Variants in MORC1 observed in about 807,000 individuals in gnomAD.
MORC1 encodes the protein MORC family CW-type zinc finger 1.
MORC1 carries 59 observed loss-of-function variants against 134.9 expected under a neutral mutation model. That is an observed-to-expected ratio of 0.44 (90% CI 0.35 to 0.54). MORC1 has a LOEUF of 0.54. MORC1 is among the 20% of genes least tolerant of loss of function. The pLI, the probability that MORC1 is intolerant of heterozygous loss-of-function variation, is 0.00. For missense variants in MORC1, 947 were observed against 1,134.5 expected, an observed-to-expected ratio of 0.83 and a Z score of 2.37; for synonymous variants, 395 against 391.7, an observed-to-expected ratio of 1.01 and a Z score of -0.10.
At chr3:108,965,031 C>G (rs1947178815) in intron 26 of MORC1, among the ~76,000 whole-genome samples, 2 of 152,136 alleles carry the variant, frequency 1.3e-5, no homozygotes. Flanking sequence ...AGGCTGCAGG[C>G]AAACCCAGGG....
intron 8 of MORC1, among the ~76,000 whole-genome samples, chr3:109,070,201 T>C (rs774111163): frequency 6.6e-6 from 1 of 152,190 alleles, no homozygotes; most frequent in Non-Finnish European, 1.5e-5. Flanking sequence ...GTAAAAATGT[T>C]TCATTTGCTT....
At position 108,994,839 on chromosome 3, in the gene MORC1, T is replaced by C. The variant is rs1218513924; in HGVS notation, c.2187+5718A>G. On this transcript the variant is annotated intron_variant, in intron 21 of 27. Transcript: ENST00000232603. Reference sequence around the variant, plus strand: ...GATCATTTGCTTTCCTGGCCATCTATTGTGGTCTGCCAACCTATTCTTCCC... The same window carrying C: ...GATCATTTGCTTTCCTGGCCATCTACTGTGGTCTGCCAACCTATTCTTCCC... Among the ~76,000 whole-genome samples, 5 of 152,268 alleles carry C rather than the reference T, an allele frequency of 3.3e-5. 1 individual carries two copies. The highest frequency in any genetic ancestry group is 6.8e-3 in the Middle Eastern group (2 of 294).
intron 14 of MORC1, among the ~76,000 whole-genome samples, chr3:109,048,800 A>G (rs1949754151): frequency 1.3e-5 from 2 of 152,070 alleles, no homozygotes. Flanking sequence ...TTATGAGGAC[A>G]CTAGTCAGAC....
chr3:108,982,953 CA>C (rs34705106), intron 23 of MORC1, among the ~76,000 whole-genome samples: 62,295 of 140,078 alleles, frequency 0.44, 13,693 homozygotes, highest in Middle Eastern at 0.59. Context: ...TTTTTAAATG[CA>C]AAAAAAAAAA....
At chr3:109,037,849 A>G (rs1308699016) in intron 14 of MORC1, among the ~76,000 whole-genome samples, 2 of 152,120 alleles carry the variant, frequency 1.3e-5, no homozygotes, top group Non-Finnish European at 2.9e-5. Context: ...TCATTGATGG[A>G]CATTTGGGTT....
rs749968839 is a variant in MORC1, at chr3:109,000,579, G to A, written c.2165C>T (p.Thr722Met). 4 of 1,608,882 alleles carry A rather than the reference G, an allele frequency of 2.5e-6. No homozygotes were observed. The highest frequency in any genetic ancestry group is 3.3e-5 in the Admixed American group (2 of 59,718). ...CACCAGGATTATATCTGAATCACTC[G>A]TGTTCTCATCTTCAGTCAATACCTT... Reference protein sequence around the residue: ...ECKVLTEDENTSDSDIILVSD... With the variant: ...ECKVLTEDENMSDSDIILVSD... Residue 722 changes from threonine (T) to methionine (M), a missense_variant, in exon 21 of 28, where the codon ACG becomes ATG. Transcript: ENST00000232603.
At chr3:109,009,808 A>G (rs988482019) in intron 17 of MORC1, among the ~76,000 whole-genome samples, 6 of 152,244 alleles carry the variant, frequency 3.9e-5, no homozygotes, top group South Asian at 4.1e-4. Flanking sequence ...ATTGTGGAGC[A>G]TACCATTTCA....
At chr3:109,064,644 T>C (rs1349647619) in intron 9 of MORC1, among the ~76,000 whole-genome samples, 2 of 152,182 alleles carry the variant, frequency 1.3e-5, no homozygotes, top group African/African-American at 2.4e-5. Flanking sequence ...CAGAAAAAAT[T>C]AGCCCCCAGT....
intron 21 of MORC1, among the ~76,000 whole-genome samples, chr3:108,997,474 C>CT (rs1168565825): frequency 6.6e-6 from 1 of 152,052 alleles, no homozygotes; most frequent in African/African-American, 2.4e-5. Context: ...TGCCACTGCA[C>CT]TCCAGCCTGG....
At chr3:108,978,044 A>T (rs1947611459) in intron 24 of MORC1, among the ~76,000 whole-genome samples, 1 of 151,980 alleles carries the variant, frequency 6.6e-6, no homozygotes, top group African/African-American at 2.4e-5. Context: ...TGACTGGCTA[A>T]TTTTTTGTAT....
At chr3:109,038,949 C>T (rs1374651960) in intron 14 of MORC1, among the ~76,000 whole-genome samples, 1 of 152,196 alleles carries the variant, frequency 6.6e-6, no homozygotes, top group Non-Finnish European at 1.5e-5. Context: ...CAGAGTCTCA[C>T]TCCTTCACTC....
At chr3:109,072,264 CA>C (rs1233056939) in intron 8 of MORC1, among the ~76,000 whole-genome samples, 1 of 152,200 alleles carries the variant, frequency 6.6e-6, no homozygotes, top group East Asian at 1.9e-4. Context: ...GCCATGCAAT[CA>C]GGCTTTCTTA....
intron 14 of MORC1, among the ~76,000 whole-genome samples, chr3:109,036,660 TAA>T (rs1247969109): frequency 6.6e-6 from 1 of 152,152 alleles, no homozygotes; most frequent in Non-Finnish European, 1.5e-5. Flanking sequence ...TTATTCCTGT[TAA>T]AATTTTGGCT....
intron 8 of MORC1, among the ~76,000 whole-genome samples, chr3:109,074,767 A>G (rs536788165): frequency 6.6e-6 from 1 of 152,348 alleles, no homozygotes; most frequent in South Asian, 2.1e-4. Flanking sequence ...ACAGCATGAT[A>G]GTAAGCTAGA....
rs1255303021 is a variant in MORC1, at chr3:109,040,777, C to T, written c.1331-5309G>A. Among the ~76,000 whole-genome samples the T allele has an allele frequency of 5.1e-5, 7 of 138,206 alleles. No homozygotes were observed. The Admixed American group carries it at 5.2e-4, about 10-fold the overall frequency. The allele number at this position is 138,206 out of a possible 152,430, so 90.7% of individuals were successfully genotyped here. A position where few individuals can be genotyped will look rare whatever the true frequency, so the allele number is the denominator to read the frequency against. The stretch of plus-strand genomic sequence containing the variant: ...ACTGGGAGGCAGAGGTTGCAGTGAG[C>T]ACAGATTGTGCCACTGCACTCCAGA... On this transcript the variant is annotated intron_variant, in intron 14 of 27. Transcript: ENST00000232603.
intron 14 of MORC1, among the ~76,000 whole-genome samples, chr3:109,041,228 G>A (rs146451362): frequency 4.4e-4 from 67 of 150,822 alleles, no homozygotes; most frequent in African/African-American, 1.4e-3. Context: ...GGAAAATGGC[G>A]TGAATCTGGG....
At chr3:108,960,018 G>A (rs1947038646) in intron 27 of MORC1, among the ~76,000 whole-genome samples, 1 of 152,116 alleles carries the variant, frequency 6.6e-6, no homozygotes, top group Non-Finnish European at 1.5e-5. Context: ...TTAGACTGAG[G>A]GGGCTATAGG....
chr3:108,987,006 T>G, intron 21 of MORC1, 57 bp from the exon 22 acceptor site: 1 of 1,315,180 alleles, frequency 7.6e-7, no homozygotes, highest in Non-Finnish European at 1.0e-6. Flanking sequence ...TATTATAAAC[T>G]TGACAAAAGA....
intron 26 of MORC1, among the ~76,000 whole-genome samples, chr3:108,967,832 C>T (rs1234402463): frequency 1.3e-5 from 2 of 151,830 alleles, no homozygotes; most frequent in African/African-American, 4.8e-5. Context: ...AAGACAAAAA[C>T]AAGCGACACG....
Sources: allele counts gnomAD v4.1 joint callset (sites outside exome capture counted in the v4.1 genomes callset), GRCh38; gene constraint gnomAD v4.1.1; transcripts MANE v1.5; gene names NCBI Gene and HGNC (gene_info 2026-07-23, HGNC 2026-07-21).